The following FOXK2 variants were observed in gnomAD, a reference collection of about 807,000 sequenced individuals.
FOXK2 encodes the protein forkhead box K2, also known as forkhead box protein K2.
A neutral mutation model predicts 53.3 loss-of-function variants in FOXK2; 24 were observed. The ratio of observed to expected loss-of-function variants is 0.45; its 90% CI spans 0.33 to 0.63. The LOEUF is 0.63. FOXK2 is among the 30% of genes least tolerant of loss of function. FOXK2 has a pLI of 0.03. For missense variants in FOXK2, 952 were observed against 910.5 expected, an observed-to-expected ratio of 1.05 and a Z score of -0.59; for synonymous variants, 505 against 407.1, an observed-to-expected ratio of 1.24 and a Z score of -2.89.
Position 82,574,321 on chromosome 17 carries a change from C to CTTT in FOXK2, c.909+2465_909+2467dup, listed in dbSNP as rs750973206. Reference sequence around the variant, plus strand: ...CTAGTTCATGGACATTACTCTCTCTCTTTTTTTTTTTTTTTTGAGATAGAG... The same window carrying CTTT: ...CTAGTTCATGGACATTACTCTCTCTCTTTTTTTTTTTTTTTTTTTGAGATAGAG... On this transcript the variant is annotated intron_variant, in intron 4 of 8. Transcript: ENST00000335255. Among the ~76,000 whole-genome samples the CTTT allele has an allele frequency of 6.5e-3, 898 of 137,188 alleles. 6 individuals are homozygous for CTTT. The highest frequency in any genetic ancestry group is 0.023 in the African/African-American group (844 of 37,020). 90.0% of individuals were successfully genotyped at this position (137,188 alleles called of 152,430 possible).
At chr17:82,574,974 C>T (rs2044965917) in intron 4 of FOXK2, among the ~76,000 whole-genome samples, 1 of 152,220 alleles carries the variant, frequency 6.6e-6, no homozygotes. Context: ...GTACAGAAAA[C>T]ACAGAGCTTG....
chr17:82,536,488 C>T (rs746240062), intron 1 of FOXK2, among the ~76,000 whole-genome samples: 1 of 152,182 alleles, frequency 6.6e-6, no homozygotes, highest in African/African-American at 2.4e-5. Flanking sequence ...ATTGTTATTG[C>T]AGACTATCTT....
chr17:82,561,911 G>A (rs984022521), intron 1 of FOXK2, among the ~76,000 whole-genome samples: 2 of 152,090 alleles, frequency 1.3e-5, no homozygotes, highest in African/African-American at 2.4e-5. Context: ...CTGTTGGGGG[G>A]GGGGGGTGCC....
At chr17:82,579,038 A>ATGC (rs1343671554) in intron 4 of FOXK2, among the ~76,000 whole-genome samples, 3 of 152,144 alleles carry the variant, frequency 2.0e-5, no homozygotes, top group Non-Finnish European at 4.4e-5. Flanking sequence ...TCAGACTCGG[A>ATGC]TGCTGCGTGG....
chr17:82,570,943 G>A (rs1175103792), intron 3 of FOXK2, among the ~76,000 whole-genome samples: 1 of 152,178 alleles, frequency 6.6e-6, no homozygotes, highest in African/African-American at 2.4e-5. Context: ...AGCCTCCATG[G>A]GGCTCTTCGT....
rs1567960710 is a variant in FOXK2, at chr17:82,520,296, G to A, written c.408G>A (p.Gln136=). The change falls in exon 1 of 9, where the codon CAG becomes CAA. Residue 136 remains glutamine, a synonymous_variant. Transcript: ENST00000335255. ...VFQRRGAPPL[Q]LPRVCTFRFP... is the part of the protein sequence containing the mutation. ...AGAGGCGCGGGGCGCCGCCGCTGCA[G>A]CTGCCGCGCGTGTGAGTGGCCTCGG... 7.9e-7 allele frequency: 1 copy of A among 1,265,584 alleles called. No homozygotes were observed. Among genetic ancestry groups the A allele is most frequent in the Non-Finnish European group, 1.0e-6 (1 of 1,001,100 alleles). 78.4% of individuals were successfully genotyped at this position (1,265,584 alleles called of 1,614,324 possible).
At chr17:82,537,307 T>C (rs375759901) in intron 1 of FOXK2, among the ~76,000 whole-genome samples, 2 of 152,322 alleles carry the variant, frequency 1.3e-5, no homozygotes, top group South Asian at 2.1e-4. Context: ...TATTGTGAAA[T>C]AATACTTCTT....
At chr17:82,598,261 AATT>A (rs1598242716) in intron 8 of FOXK2, among the ~76,000 whole-genome samples, 2 of 152,092 alleles carry the variant, frequency 1.3e-5, no homozygotes, top group South Asian at 4.2e-4. Flanking sequence ...TCCTTTTAAA[AATT>A]ATTTATTTTT....
chr17:82,551,913 G>A (rs1258194157), intron 1 of FOXK2, among the ~76,000 whole-genome samples: 1 of 152,226 alleles, frequency 6.6e-6, no homozygotes, highest in East Asian at 1.9e-4. Flanking sequence ...GGCCTGGCAC[G>A]GTGCTCCACC....
At chr17:82,567,968 T>A (rs1222475064) in intron 2 of FOXK2, 86 bp from the exon 3 acceptor site, 27 of 837,226 alleles carry the variant, frequency 3.2e-5, no homozygotes, top group Middle Eastern at 2.7e-4. Flanking sequence ...GTATTTGTTA[T>A]CCCTGTAATT....
intron 8 of FOXK2, among the ~76,000 whole-genome samples, chr17:82,591,082 G>C: frequency 6.6e-6 from 1 of 152,226 alleles, no homozygotes; most frequent in Non-Finnish European, 1.5e-5. Context: ...AGGTGGGGCT[G>C]ACAGGACGAG....
intron 3 of FOXK2, among the ~76,000 whole-genome samples, chr17:82,570,005 G>A (rs112974026): frequency 0.14 from 21,257 of 148,246 alleles, 1,596 homozygotes; most frequent in East Asian, 0.27. Context: ...GGCGGATCAC[G>A]AGGTCAGGAG....
chr17:82,576,347 A>C (rs2044985924), intron 4 of FOXK2, among the ~76,000 whole-genome samples: 1 of 152,206 alleles, frequency 6.6e-6, no homozygotes, highest in African/African-American at 2.4e-5. Flanking sequence ...CTCGCTCCAG[A>C]GGCGTCTGAC....
chr17:82,528,462 C>A (rs2044440571), intron 1 of FOXK2, among the ~76,000 whole-genome samples: 1 of 152,076 alleles, frequency 6.6e-6, no homozygotes, highest in Non-Finnish European at 1.5e-5. Context: ...GTTTTTGGAG[C>A]AATTTATAAT....
chr17:82,585,452 A>G (rs1192555002), intron 6 of FOXK2, among the ~76,000 whole-genome samples: 1 of 151,984 alleles, frequency 6.6e-6, no homozygotes, highest in East Asian at 1.9e-4. Context: ...AGTCTCCTAA[A>G]TAGCTGGGGC....
At chr17:82,595,808 T>C (rs1008918229) in intron 8 of FOXK2, 53 of 1,289,536 alleles carry the variant, frequency 4.1e-5, no homozygotes, top group African/African-American at 7.6e-5. Context: ...AAGGCCCCCA[T>C]GTGCCAGCTC....
At chr17:82,597,291 A>G (rs1001748200) in intron 8 of FOXK2, among the ~76,000 whole-genome samples, 7 of 152,172 alleles carry the variant, frequency 4.6e-5, no homozygotes, top group African/African-American at 1.7e-4. Context: ...TGCCTTCCCA[A>G]GAGAGCACGT....
chr17:82,573,975 G>A (rs1471069423), intron 4 of FOXK2, among the ~76,000 whole-genome samples: 4 of 152,246 alleles, frequency 2.6e-5, no homozygotes, highest in Non-Finnish European at 2.9e-5. Flanking sequence ...AGCCCTTGGA[G>A]CAAGGCTCTC....
At chr17:82,568,903 C>G (rs947462546) in intron 3 of FOXK2, among the ~76,000 whole-genome samples, 4 of 152,202 alleles carry the variant, frequency 2.6e-5, no homozygotes, top group Admixed American at 1.3e-4. Flanking sequence ...CTCAGCTGCT[C>G]TGGAGGCTGA....
Sources: gnomAD v4.1 joint callset for allele counts (sites outside exome capture counted in the v4.1 genomes callset) on GRCh38, gnomAD v4.1.1 for gene constraint, MANE v1.5 for transcripts, NCBI Gene and HGNC (gene_info 2026-07-23, HGNC 2026-07-21) for gene names.